Variants in PLXDC2 observed in about 807,000 individuals in gnomAD.
The protein encoded by PLXDC2 is plexin domain containing 2, also known as plexin domain-containing protein 2.
A neutral mutation model predicts 68.9 loss-of-function variants in PLXDC2; 40 were observed. The ratio of observed to expected loss-of-function variants is 0.58; its 90% CI spans 0.45 to 0.76. The LOEUF is 0.76. PLXDC2 is among the 30% of genes least tolerant of loss of function. The pLI is 0.00. For synonymous variants in PLXDC2, 243 were observed against 234.2 expected, an observed-to-expected ratio of 1.04 and a Z score of -0.34; for missense variants, 644 against 661.9, an observed-to-expected ratio of 0.97 and a Z score of 0.30.
chr10:20,029,911 G>C (rs1835470618), intron 2 of PLXDC2, among the ~76,000 whole-genome samples: 1 of 152,176 alleles, frequency 6.6e-6, no homozygotes, highest in Non-Finnish European at 1.5e-5. Context: ...CATTAAGTGA[G>C]TTGGCAACAA....
chr10:20,246,830 G>C (rs561687875), intron 13 of PLXDC2, among the ~76,000 whole-genome samples: 1 of 152,154 alleles, frequency 6.6e-6, no homozygotes, highest in Non-Finnish European at 1.5e-5. Flanking sequence ...CTTGTTGAGC[G>C]AGAAATTATA....
At chr10:20,076,133 AT>A (rs1836444438) in intron 4 of PLXDC2, among the ~76,000 whole-genome samples, 1 of 152,228 alleles carries the variant, frequency 6.6e-6, no homozygotes, top group Non-Finnish European at 1.5e-5. Context: ...AAGTAACAAT[AT>A]ATGCCAGATG....
chr10:19,961,967 T>C (rs553367870), intron 1 of PLXDC2, among the ~76,000 whole-genome samples: 1 of 152,350 alleles, frequency 6.6e-6, no homozygotes, highest in African/African-American at 2.4e-5. Flanking sequence ...GCTCCAATTA[T>C]AACATCTCCT....
chr10:20,004,955 T>C (rs1564654142), intron 2 of PLXDC2, among the ~76,000 whole-genome samples: 3 of 152,192 alleles, frequency 2.0e-5, no homozygotes, highest in Admixed American at 1.3e-4. Flanking sequence ...ACTGTGTGGA[T>C]GCTCTTTTGT....
chr10:19,833,911 T>C (rs1836741443), intron 1 of PLXDC2, among the ~76,000 whole-genome samples: 1 of 151,060 alleles, frequency 6.6e-6, no homozygotes, highest in Admixed American at 6.6e-5. Flanking sequence ...TAAAAAGCAT[T>C]CAGAGTTCAG....
At chr10:19,929,772 T>A (rs1304651758) in intron 1 of PLXDC2, among the ~76,000 whole-genome samples, 1 of 152,244 alleles carries the variant, frequency 6.6e-6, no homozygotes, top group Non-Finnish European at 1.5e-5. Flanking sequence ...GTTGGTTGCA[T>A]GTCCCAAGGT....
intron 9 of PLXDC2, among the ~76,000 whole-genome samples, chr10:20,200,188 T>C (rs542622892): frequency 6.6e-6 from 1 of 151,914 alleles, no homozygotes; most frequent in Non-Finnish European, 1.5e-5. Flanking sequence ...ACACATGGTA[T>C]ATTTGACAGG....
intron 2 of PLXDC2, among the ~76,000 whole-genome samples, chr10:20,040,887 A>C (rs1252039752): frequency 6.6e-6 from 1 of 152,140 alleles, no homozygotes; most frequent in African/African-American, 2.4e-5. Flanking sequence ...AAAACATTAA[A>C]ATTTTGAGTT....
intron 1 of PLXDC2, among the ~76,000 whole-genome samples, chr10:19,993,568 C>A (rs1342250886): frequency 6.6e-6 from 1 of 152,046 alleles, no homozygotes; most frequent in Non-Finnish European, 1.5e-5. Context: ...TACAGGCATG[C>A]GCCACCTCAC....
At chr10:20,192,980 G>A (rs946789401) in intron 9 of PLXDC2, among the ~76,000 whole-genome samples, 6 of 152,000 alleles carry the variant, frequency 3.9e-5, no homozygotes, top group African/African-American at 1.2e-4. Context: ...TTGTCCCAAT[G>A]TCCCATTTAG....
chr10:20,269,091 T>G (rs1387837962), intron 13 of PLXDC2, among the ~76,000 whole-genome samples: 1 of 152,236 alleles, frequency 6.6e-6, no homozygotes, highest in Admixed American at 6.5e-5. Flanking sequence ...TATACTCTGC[T>G]AGAGTCTCTT....
intron 10 of PLXDC2, among the ~76,000 whole-genome samples, chr10:20,217,155 G>A (rs1835148748): frequency 6.6e-6 from 1 of 152,140 alleles, no homozygotes; most frequent in African/African-American, 2.4e-5. Context: ...TTAGGGCAAG[G>A]TAAACAGTAA....
At chr10:19,890,984 A>G (rs1837949069) in intron 1 of PLXDC2, among the ~76,000 whole-genome samples, 1 of 151,932 alleles carries the variant, frequency 6.6e-6, no homozygotes, top group Non-Finnish European at 1.5e-5. Context: ...TTGAGATTCC[A>G]TCATTTCTGA....
intron 1 of PLXDC2, among the ~76,000 whole-genome samples, chr10:19,843,851 G>A (rs529661533): frequency 3.3e-5 from 5 of 152,136 alleles, no homozygotes; most frequent in African/African-American, 4.8e-5. Flanking sequence ...AATAAGCCCC[G>A]ACATTCTGTA....
intron 1 of PLXDC2, among the ~76,000 whole-genome samples, chr10:19,925,675 G>C (rs538727336): frequency 3.2e-4 from 48 of 152,304 alleles, no homozygotes; most frequent in African/African-American, 1.1e-3. Flanking sequence ...GCTTTGCACA[G>C]ACTTTGAGTA....
At chr10:19,991,347 CTT>C (rs35216913) in intron 1 of PLXDC2, among the ~76,000 whole-genome samples, 187 of 135,370 alleles carry the variant, frequency 1.4e-3, no homozygotes, top group South Asian at 0.012. Context: ...ATCATTTTCC[CTT>C]TTTTTTTTTT....
At position 20,162,067 on chromosome 10, in the gene PLXDC2, AGAGAGAAG is replaced by A. The variant is rs1470704051; in HGVS notation, c.784-2398_784-2391del. The stretch of plus-strand genomic sequence containing the variant: ...AAGAGAGAGAGAGAGAGAGAGAGAG[AGAGAGAAG>A]GAAGGAAGGAAGGAAGGAAGGAAGG... On this transcript the variant is annotated intron_variant, in intron 6 of 13. Transcript: ENST00000377252. 9.6e-3 allele frequency among the ~76,000 whole-genome samples: 436 copies of A among 45,338 alleles called. 2 individuals carry two copies. The highest frequency in any genetic ancestry group is 0.024 in the African/African-American group (319 of 13,030). The allele number at this position is 45,338 out of a possible 152,430, so 29.7% of individuals were successfully genotyped here. A position where few individuals can be genotyped will look rare whatever the true frequency, so the allele number is the denominator to read the frequency against.
At chr10:19,832,376 T>C (rs2131310342) in intron 1 of PLXDC2, among the ~76,000 whole-genome samples, 1 of 152,322 alleles carries the variant, frequency 6.6e-6, no homozygotes, top group South Asian at 2.1e-4. Flanking sequence ...CACGGAGGAA[T>C]GCATGAATGC....
At chr10:20,080,716 A>G (rs370106126) in intron 4 of PLXDC2, among the ~76,000 whole-genome samples, 4 of 152,162 alleles carry the variant, frequency 2.6e-5, no homozygotes, top group East Asian at 3.9e-4. Context: ...TTCTTTGGCA[A>G]CATCCTCACA....
Sources: allele counts gnomAD v4.1 joint callset (sites outside exome capture counted in the v4.1 genomes callset), GRCh38; gene constraint gnomAD v4.1.1; transcripts MANE v1.5; gene names NCBI Gene and HGNC (gene_info 2026-07-23, HGNC 2026-07-21).